Variants in DCHS2 observed in about 807,000 individuals in gnomAD.
The protein encoded by DCHS2 is protocadherin-23.
In DCHS2, 142 loss-of-function variants were observed where a neutral mutation model predicts 182.4. That is an observed-to-expected ratio of 0.78 (90% confidence interval 0.68 to 0.89). The LOEUF (loss-of-function observed/expected upper bound fraction) is 0.89. Among genes scored for constraint, DCHS2 ranks in the 40% least tolerant of loss-of-function variants. The pLI is 0.00. For missense variants in DCHS2, 4,319 were observed against 4,198.6 expected, an observed-to-expected ratio of 1.03 and a Z score of -0.79; for synonymous variants, 1,740 against 1,663.3, an observed-to-expected ratio of 1.05 and a Z score of -1.12.
chr4:154,431,622 C>T (rs189741156), intron 1 of DCHS2, among the ~76,000 whole-genome samples: 7 of 152,254 alleles, frequency 4.6e-5, no homozygotes, highest in Non-Finnish European at 8.8e-5. Flanking sequence ...CAGATAATAA[C>T]ATCAGTCCCA....
intron 10 of DCHS2, among the ~76,000 whole-genome samples, chr4:154,313,968 T>A (rs1735760166): frequency 6.6e-6 from 1 of 152,192 alleles, no homozygotes; most frequent in Non-Finnish European, 1.5e-5. Flanking sequence ...ACATTAACAC[T>A]GGGCAACTTG....
chr4:154,388,428 T>A (rs1370028396), intron 1 of DCHS2, among the ~76,000 whole-genome samples: 1 of 151,578 alleles, frequency 6.6e-6, no homozygotes, highest in East Asian at 1.9e-4. Context: ...AGTGATTTAA[T>A]GTGGGGAATA....
intron 1 of DCHS2, among the ~76,000 whole-genome samples, chr4:154,398,666 TA>T (rs770994203): frequency 3.9e-5 from 6 of 152,206 alleles, no homozygotes; most frequent in Non-Finnish European, 7.3e-5. Context: ...ATCCCCATGA[TA>T]ATATCACTCT....
chr4:154,234,968 TCC>T lies in DCHS2; in HGVS notation c.9682_9683del (p.Gly3228LysfsTer11). 1 of 1,614,098 alleles carries T rather than the reference TCC, an allele frequency of 6.2e-7. No homozygotes were observed. Among genetic ancestry groups the T allele is most frequent in the Non-Finnish European group, 8.5e-7 (1 of 1,179,984 alleles). On this transcript the variant is annotated frameshift_variant, in exon 20 of 20. Transcript: ENST00000357232. LOFTEE classifies it low-confidence loss of function (END_TRUNC). Reference sequence around the variant, plus strand: ...GATAATTCCAGTGATAGTTGTCTTTTCCATCATGATCAGAGGTCGTCTGAGTT... The same window carrying T: ...GATAATTCCAGTGATAGTTGTCTTTTATCATGATCAGAGGTCGTCTGAGTT... ...LSTQTTSDHDGKDNYHWNYLL... is the reference protein window; with the variant it reads ...LSTQTTSDHDXKDNYHWNYLL...
intron 12 of DCHS2, among the ~76,000 whole-genome samples, chr4:154,302,868 T>C (rs1735264011): frequency 7.2e-6 from 1 of 139,844 alleles, no homozygotes; most frequent in African/African-American, 2.6e-5. Flanking sequence ...TATACGTGTA[T>C]ATATACACAC....
At chr4:154,314,749 C>T (rs1295475381) in intron 10 of DCHS2, among the ~76,000 whole-genome samples, 1 of 151,910 alleles carries the variant, frequency 6.6e-6, no homozygotes, top group Non-Finnish European at 1.5e-5. Context: ...ATATATAATG[C>T]CATTTGCTAT....
At chr4:154,269,809 T>C (rs1180150117) in intron 14 of DCHS2, 91 bp downstream of exon 14, 131 of 1,481,094 alleles carry the variant, frequency 8.8e-5, no homozygotes, top group Non-Finnish European at 1.1e-4. Context: ...TTTAAATTAC[T>C]TAGCTCTAAC....
chr4:154,251,496 C>T (rs1339323302), intron 16 of DCHS2, among the ~76,000 whole-genome samples: 1 of 152,058 alleles, frequency 6.6e-6, no homozygotes, highest in Non-Finnish European at 1.5e-5. Context: ...TGCCTTCTGC[C>T]ATATATCTTA....
intron 3 of DCHS2, among the ~76,000 whole-genome samples, chr4:154,351,773 A>G (rs1015315092): frequency 2.0e-5 from 3 of 152,118 alleles, no homozygotes; most frequent in South Asian, 2.1e-4. Flanking sequence ...TAGTGCTCCT[A>G]TAAGAATCTA....
chr4:154,424,819 A>C (rs1034071633), intron 1 of DCHS2, among the ~76,000 whole-genome samples: 7 of 152,226 alleles, frequency 4.6e-5, no homozygotes, highest in African/African-American at 1.4e-4. Context: ...GGATTGTGTT[A>C]TCTGAAAATT....
chr4:154,247,556 C>T (rs1732132751), intron 16 of DCHS2, among the ~76,000 whole-genome samples: 2 of 148,440 alleles, frequency 1.3e-5, no homozygotes, highest in Non-Finnish European at 3.0e-5. Context: ...GCAGGAAAGT[C>T]GCTTGAACCT....
At chr4:154,313,447 A>G (rs1231186672) in intron 10 of DCHS2, among the ~76,000 whole-genome samples, 1 of 152,188 alleles carries the variant, frequency 6.6e-6, no homozygotes, top group East Asian at 1.9e-4. Context: ...GCATCGTAGA[A>G]TGCTAGAAAA....
At chr4:154,405,128 T>C (rs917012930) in intron 1 of DCHS2, among the ~76,000 whole-genome samples, 1 of 152,078 alleles carries the variant, frequency 6.6e-6, no homozygotes, top group Non-Finnish European at 1.5e-5. Context: ...CGGTCACCTG[T>C]AATCCCATCT....
At chr4:154,327,491 T>G (rs1388083) in intron 7 of DCHS2, among the ~76,000 whole-genome samples, 1 of 152,064 alleles carries the variant, frequency 6.6e-6, no homozygotes, top group Non-Finnish European at 1.5e-5. Flanking sequence ...TTCTTTCCTA[T>G]GTCCTATGTT....
intron 10 of DCHS2, among the ~76,000 whole-genome samples, chr4:154,306,424 A>G (rs899017584): frequency 3.9e-5 from 6 of 152,112 alleles, no homozygotes; most frequent in Non-Finnish European, 2.9e-5. Context: ...GGATCATATA[A>G]TCTATTCTAT....
rs763700307 is a variant in DCHS2, at chr4:154,236,670, T to C, written c.7982A>G (p.Asn2661Ser). 6.2e-7 allele frequency: 1 copy of C among 1,613,910 alleles called. No homozygotes were observed. The highest frequency in any genetic ancestry group is 8.5e-7 in the Non-Finnish European group (1 of 1,179,964). Residue 2661 changes from asparagine to serine, a missense_variant, in exon 20 of 20, where the codon AAT becomes AGT. Physicochemically the swap from Asn to Ser is conservative, Grantham distance 46. Transcript: ENST00000357232. ...GCTCAGGCTGCTGAAGTTTGGGGGA[T>C]TGTCATTGACATCAAGTACTTGTAT... is the stretch of plus-strand genomic sequence containing the variant. ...ISIQVLDVNDNPPNFSSLSYH... is the reference protein window; with the variant it reads ...ISIQVLDVNDSPPNFSSLSYH...
intron 1 of DCHS2, among the ~76,000 whole-genome samples, chr4:154,423,946 G>T (rs1243144171): frequency 2.0e-5 from 3 of 152,146 alleles, no homozygotes; most frequent in Admixed American, 6.5e-5. Flanking sequence ...CAGCAGGAGG[G>T]TCTTAAAATA....
At chr4:154,244,238 T>C (rs949910567) in intron 16 of DCHS2, among the ~76,000 whole-genome samples, 4 of 152,346 alleles carry the variant, frequency 2.6e-5, no homozygotes, top group African/African-American at 7.2e-5. Flanking sequence ...AAGTATTGAA[T>C]GTTGGTTTCT....
chr4:154,375,199 TAAAAC>T (rs1730833800), intron 2 of DCHS2, among the ~76,000 whole-genome samples: 1 of 151,656 alleles, frequency 6.6e-6, no homozygotes. Context: ...GTATGAAAGG[TAAAAC>T]AAAACAAAAG....
Sources: allele counts gnomAD v4.1 joint callset (sites outside exome capture counted in the v4.1 genomes callset), GRCh38; gene constraint gnomAD v4.1.1; transcripts MANE v1.5; gene names NCBI Gene and HGNC (gene_info 2026-07-23, HGNC 2026-07-21).